LRRTM3: variants seen among roughly 807,000 people sequenced by gnomAD.
The protein encoded by LRRTM3 is leucine-rich repeat transmembrane neuronal protein 3.
A neutral mutation model predicts 44.7 loss-of-function variants in LRRTM3; 24 were observed. The observed-to-expected ratio is 0.54, with a 90% CI of 0.39 to 0.76. LRRTM3 has a LOEUF of 0.76. Ranked by LOEUF, LRRTM3 falls within the 30% of genes least tolerant of loss-of-function variation. LRRTM3 has a pLI of 0.00. For missense variants in LRRTM3, 587 were observed against 702.2 expected (o/e 0.84, Z 1.85); for synonymous variants, 277 against 278.7 (o/e 0.99, Z 0.06).
chr10:66,926,974 C>T lies in LRRTM3; in HGVS notation c.58C>T (p.Pro20Ser). The stretch of plus-strand genomic sequence containing the variant: ...ATCAGCTGTAGCACTGGTTATAGCC[C>T]CCACTGTCTTACTGACAATGCTTTC... Reference protein sequence around the residue: ...SGSAVALVIAPTVLLTMLSSA... With the variant: ...SGSAVALVIASTVLLTMLSSA... The change falls in exon 2 of 3, where the codon CCC becomes TCC. Residue 20 changes from proline to serine, a missense_variant. Pro to Ser is a moderately conservative substitution (Grantham distance 74, BLOSUM62 -1). This residue lies in a region of LRRTM3 where 50 missense variants were observed against 43.4 expected (regional missense o/e 1.15). Coordinates refer to ENST00000361320, the MANE Select transcript of LRRTM3 (RefSeq NM_178011.5). 1 of 1,613,958 alleles carries T rather than the reference C, an allele frequency of 6.2e-7. No individual in the cohort carries two copies. The highest frequency in any genetic ancestry group is 8.5e-7 in the Non-Finnish European group (1 of 1,179,980).
chr10:67,041,115 G>A (rs1378878358), intron 2 of LRRTM3, among the ~76,000 whole-genome samples: 1 of 152,112 alleles, frequency 6.6e-6, no homozygotes, highest in Non-Finnish European at 1.5e-5. Context: ...GCCAAGGTAT[G>A]TCAGTTGTCT....
intron 2 of LRRTM3, among the ~76,000 whole-genome samples, chr10:67,035,028 T>C (rs1853959078): frequency 2.0e-5 from 3 of 152,188 alleles, no homozygotes; most frequent in African/African-American, 7.2e-5. Context: ...CTTATTGAGG[T>C]CACCAGTTAG....
chr10:67,096,770 A>C (rs937086817), intron 2 of LRRTM3, among the ~76,000 whole-genome samples: 1 of 151,774 alleles, frequency 6.6e-6, no homozygotes, highest in African/African-American at 2.4e-5. Context: ...TTGGCAAGGG[A>C]GTCCCTTCCT....
rs909024206 is a variant in LRRTM3, at chr10:67,037,240, CA to C, written c.1537-60341del. Among the ~76,000 whole-genome samples the C allele has an allele frequency of 1.8e-4, 27 of 151,826 alleles. 1 individual carries two copies. The highest frequency in any genetic ancestry group is 6.3e-4 in the African/African-American group (26 of 41,434). Reference sequence around the variant, plus strand: ...TAAGTAATGTGTCAGTAAGCATCAGCAAAAAATGTTACTTTAGAGATATTTA... The same window carrying C: ...TAAGTAATGTGTCAGTAAGCATCAGCAAAAATGTTACTTTAGAGATATTTA... On this transcript the variant is annotated intron_variant, in intron 2 of 2. Transcript: ENST00000361320.
chr10:67,074,076 T>A (rs10997494), intron 2 of LRRTM3, among the ~76,000 whole-genome samples: 1 of 138,278 alleles, frequency 7.2e-6, no homozygotes, highest in Non-Finnish European at 1.5e-5. Flanking sequence ...TGGCTCTGTC[T>A]CCAGGCTGGA....
intron 2 of LRRTM3, among the ~76,000 whole-genome samples, chr10:66,985,089 T>C (rs1464465550): frequency 1.3e-5 from 2 of 152,210 alleles, no homozygotes; most frequent in African/African-American, 2.4e-5. Context: ...GAATGTTCCT[T>C]CCTAGATATT....
chr10:67,071,543 C>T (rs997301165), intron 2 of LRRTM3, among the ~76,000 whole-genome samples: 2 of 151,158 alleles, frequency 1.3e-5, no homozygotes, highest in African/African-American at 4.9e-5. Flanking sequence ...CATTTAAGAT[C>T]TTGTTATCTG....
At chr10:67,050,655 C>T (rs1855031956) in intron 2 of LRRTM3, among the ~76,000 whole-genome samples, 1 of 152,146 alleles carries the variant, frequency 6.6e-6, no homozygotes, top group East Asian at 1.9e-4. Flanking sequence ...AGACTCGTGT[C>T]CTGCATGGAA....
At chr10:66,999,843 T>G (rs570769258) in intron 2 of LRRTM3, among the ~76,000 whole-genome samples, 2 of 152,222 alleles carry the variant, frequency 1.3e-5, no homozygotes, top group Admixed American at 6.5e-5. Context: ...AGTCTTATTT[T>G]CCTAAAATGT....
At chr10:67,003,923 G>T (rs1851822493) in intron 2 of LRRTM3, among the ~76,000 whole-genome samples, 1 of 152,126 alleles carries the variant, frequency 6.6e-6, no homozygotes, top group Non-Finnish European at 1.5e-5. Flanking sequence ...CCTTGCACAT[G>T]TTTTTTATTG....
At chr10:66,938,348 T>G (rs920439273) in intron 2 of LRRTM3, among the ~76,000 whole-genome samples, 13 of 152,174 alleles carry the variant, frequency 8.5e-5, no homozygotes, top group African/African-American at 3.1e-4. Flanking sequence ...AATAGCATAT[T>G]GTTGACCAGA....
At chr10:66,994,736 A>T (rs1040225961) in intron 2 of LRRTM3, among the ~76,000 whole-genome samples, 1 of 152,218 alleles carries the variant, frequency 6.6e-6, no homozygotes, top group African/African-American at 2.4e-5. Context: ...ATTTCACTAC[A>T]TTCAATACTA....
intron 2 of LRRTM3, among the ~76,000 whole-genome samples, chr10:66,931,088 A>G (rs951631239): frequency 3.3e-5 from 5 of 151,994 alleles, no homozygotes; most frequent in South Asian, 4.1e-4. Context: ...ATCTATTTGT[A>G]TAAGTATTTC....
intron 2 of LRRTM3, among the ~76,000 whole-genome samples, chr10:67,052,355 A>T (rs1445199800): frequency 4.9e-5 from 6 of 121,688 alleles, no homozygotes; most frequent in East Asian, 3.0e-4. Flanking sequence ...TCTCTCTCTC[A>T]TTAAAAGCAC....
chr10:66,957,392 A>G (rs4745922), intron 2 of LRRTM3, among the ~76,000 whole-genome samples: 54,517 of 88,836 alleles, frequency 0.61, 13,662 homozygotes, highest in East Asian at 0.71. Context: ...GTATATATAT[A>G]CATATATATA....
chr10:66,972,481 A>C (rs983133245), intron 2 of LRRTM3, among the ~76,000 whole-genome samples: 2 of 151,968 alleles, frequency 1.3e-5, no homozygotes, highest in Non-Finnish European at 2.9e-5. Context: ...CGTAAAAATC[A>C]TTATTTTCCT....
chr10:66,945,222 G>A (rs1589465460), intron 2 of LRRTM3, among the ~76,000 whole-genome samples: 1 of 152,300 alleles, frequency 6.6e-6, no homozygotes, highest in African/African-American at 2.4e-5. Context: ...AAGTTCTGTT[G>A]TATAGTGTAA....
intron 2 of LRRTM3, among the ~76,000 whole-genome samples, chr10:66,965,284 C>G (rs1189353267): frequency 6.6e-6 from 1 of 152,030 alleles, no homozygotes; most frequent in African/African-American, 2.4e-5. Flanking sequence ...TGCCTGTAAT[C>G]TCAACACTTT....
intron 2 of LRRTM3, among the ~76,000 whole-genome samples, chr10:66,929,685 C>G (rs905879859): frequency 1.3e-5 from 2 of 152,196 alleles, no homozygotes; most frequent in African/African-American, 2.4e-5. Context: ...AATGTCCCTG[C>G]GTTCATCTGT....
Sources: gnomAD v4.1 joint callset for allele counts (sites outside exome capture counted in the v4.1 genomes callset) on GRCh38, gnomAD v4.1.1 for gene constraint, gnomAD v4.1.1 regional missense constraint, MANE v1.5 for transcripts, NCBI Gene and HGNC (gene_info 2026-07-23, HGNC 2026-07-21) for gene names.